The following KIFAP3 variants were observed in gnomAD, a reference collection of about 807,000 sequenced individuals.
KIFAP3 encodes kinesin-associated protein 3.
In KIFAP3, 68 loss-of-function variants were observed where a neutral mutation model predicts 106.5. The ratio of observed to expected loss-of-function variants is 0.64; its 90% CI spans 0.53 to 0.78. The LOEUF (loss-of-function observed/expected upper bound fraction) is 0.78. Ranked by LOEUF, KIFAP3 falls within the 30% of genes least tolerant of loss-of-function variation. The pLI is 0.00. For missense variants in KIFAP3, 780 were observed against 941.8 expected (o/e 0.83, Z 2.25); for synonymous variants, 320 against 311.5 (o/e 1.03, Z -0.29).
chr1:170,017,255 CAAA>C lies in KIFAP3; in HGVS notation c.1021-634_1021-632del, dbSNP rs11417586. Among the ~76,000 whole-genome samples the C allele has an allele frequency of 6.1e-3, 425 of 70,158 alleles. 2 individuals are homozygous for C. Among genetic ancestry groups the C allele is most frequent in the Middle Eastern group, 0.039 (4 of 102 alleles). 46.0% of individuals were successfully genotyped at this position (70,158 alleles called of 152,430 possible). On this transcript the variant is annotated intron_variant, in intron 9 of 19. Coordinates refer to ENST00000361580, the MANE Select transcript of KIFAP3 (RefSeq NM_014970.4). Reference sequence around the variant, plus strand: ...CTGGTGGCAGAGAGAGAGACTGTCTCAAAAAAAAAAAAAAAAAAAAAAGAGTAG... The same window carrying C: ...CTGGTGGCAGAGAGAGAGACTGTCTCAAAAAAAAAAAAAAAAAAAGAGTAG...
chr1:170,051,896 A>G (rs1316608354), intron 2 of KIFAP3, among the ~76,000 whole-genome samples: 1 of 152,218 alleles, frequency 6.6e-6, no homozygotes, highest in Non-Finnish European at 1.5e-5. Context: ...AAAGGTGGAA[A>G]GATCTGAAAC....
chr1:169,945,158 G>T (rs1328765719), intron 19 of KIFAP3, among the ~76,000 whole-genome samples: 2 of 152,114 alleles, frequency 1.3e-5, no homozygotes, highest in Non-Finnish European at 2.9e-5. Context: ...GGGGGGGGCT[G>T]GTGTGTCAGT....
chr1:170,077,112 C>T (rs563050252), upstream of KIFAP3, among the ~76,000 whole-genome samples: 7 of 151,922 alleles, frequency 4.6e-5, no homozygotes, highest in Non-Finnish European at 8.8e-5. Flanking sequence ...GGATTGTAAA[C>T]GCACCAATCA....
chr1:169,981,717 G>A (rs112930810), intron 15 of KIFAP3, among the ~76,000 whole-genome samples: 2,669 of 152,216 alleles, frequency 0.018, 76 homozygotes, highest in African/African-American at 0.059. Flanking sequence ...GGTTGGTGAG[G>A]AGAGTACTTC....
intron 10 of KIFAP3, among the ~76,000 whole-genome samples, chr1:169,996,970 C>T (rs1340251794): frequency 1.3e-5 from 2 of 152,142 alleles, no homozygotes; most frequent in East Asian, 3.8e-4. Context: ...CCTACAGCAG[C>T]CTAAGTTCTG....
chr1:169,968,091 A>G (rs939401214), intron 17 of KIFAP3, among the ~76,000 whole-genome samples: 16 of 151,844 alleles, frequency 1.1e-4, no homozygotes, highest in Non-Finnish European at 2.4e-4. Context: ...ACTTGAGTCT[A>G]TTGTGTATTT....
At chr1:169,939,547 T>C (rs889294570) in intron 19 of KIFAP3, among the ~76,000 whole-genome samples, 8 of 152,174 alleles carry the variant, frequency 5.3e-5, no homozygotes, top group Admixed American at 5.2e-4. Flanking sequence ...GGTTTACAAA[T>C]GGTACTTAAA....
In KIFAP3 at chr1:170,005,015, AAAAC is replaced by A. The variant is rs1428795212; in HGVS notation, c.1183+11443_1183+11446del. Among the ~76,000 whole-genome samples the A allele has an allele frequency of 5.3e-5, 8 of 152,270 alleles. No homozygotes were observed. In the East Asian group the frequency reaches 1.4e-3, roughly 26 times the overall value. Reference sequence around the variant, plus strand: ...TGAACCCAAACAAATTTACAAGAAAAAAACAAACAACCCCATCAAAAAGTGGGCA... The same window carrying A: ...TGAACCCAAACAAATTTACAAGAAAAAAACAACCCCATCAAAAAGTGGGCA... On this transcript the variant is annotated intron_variant, in intron 10 of 19. Coordinates refer to ENST00000361580, the MANE Select transcript of KIFAP3 (RefSeq NM_014970.4).
At chr1:170,019,320 A>G (rs924476150) in intron 9 of KIFAP3, among the ~76,000 whole-genome samples, 5 of 152,168 alleles carry the variant, frequency 3.3e-5, no homozygotes, top group Non-Finnish European at 5.9e-5. Flanking sequence ...GATGCTTCCC[A>G]GTTCATTATA....
intron 15 of KIFAP3, among the ~76,000 whole-genome samples, chr1:169,980,622 C>G (rs781531271): frequency 6.6e-6 from 1 of 152,136 alleles, no homozygotes; most frequent in Non-Finnish European, 1.5e-5. Context: ...ATGTGTTGGA[C>G]ACCACATATA....
chr1:169,979,678 G>T (rs1160178971), intron 15 of KIFAP3, among the ~76,000 whole-genome samples: 1 of 152,082 alleles, frequency 6.6e-6, no homozygotes, highest in East Asian at 1.9e-4. Context: ...TACACTACTG[G>T]TAAGAATGAA....
At chr1:169,978,926 TA>T (rs569626766) in intron 15 of KIFAP3, among the ~76,000 whole-genome samples, 53 of 152,216 alleles carry the variant, frequency 3.5e-4, no homozygotes, top group African/African-American at 1.2e-3. Context: ...GCCAAAGTAC[TA>T]CTCTCCCAAA....
intron 8 of KIFAP3, among the ~76,000 whole-genome samples, chr1:170,031,180 T>C (rs893016129): frequency 6.6e-6 from 1 of 151,792 alleles, no homozygotes; most frequent in East Asian, 1.9e-4. Context: ...TTTGAAAATC[T>C]GACATTTTCT....
rs898080743 is a variant in KIFAP3 at position 169,960,992 on chromosome 1, A to G, written c.2173+54T>C. 12 of 1,435,186 alleles carry G rather than the reference A, an allele frequency of 8.4e-6. No individual in the cohort carries two copies. In the African/African-American group the frequency reaches 1.4e-4, roughly 17 times the overall value. The allele number at this position is 1,435,186 out of a possible 1,614,324, so 88.9% of individuals were successfully genotyped here. ...TGGGAATGTGCAAGGCTGGCCGACT[A>G]AAATCTCTATTCATAGCATATAATA... On this transcript the variant is annotated intron_variant, in intron 18 of 19. Transcript: ENST00000361580.
At chr1:169,988,230 T>C (rs551535464) in intron 11 of KIFAP3, among the ~76,000 whole-genome samples, 101 of 152,184 alleles carry the variant, frequency 6.6e-4, no homozygotes, top group African/African-American at 2.3e-3. Flanking sequence ...AAAACACATA[T>C]GTGATAGGCA....
At chr1:169,970,258 G>A (rs568879346) in intron 17 of KIFAP3, among the ~76,000 whole-genome samples, 38 of 152,044 alleles carry the variant, frequency 2.5e-4, no homozygotes, top group Admixed American at 1.1e-3. Flanking sequence ...TACAAGTAAC[G>A]TAGTCACACA....
chr1:169,934,753 A>G (rs1198871924), intron 19 of KIFAP3, among the ~76,000 whole-genome samples: 2 of 152,148 alleles, frequency 1.3e-5, no homozygotes, highest in East Asian at 3.8e-4. Context: ...TTTAGACAGT[A>G]TTCTGAATGA....
chr1:169,936,614 CTACT>C (rs1247012212), intron 19 of KIFAP3, among the ~76,000 whole-genome samples: 1 of 151,572 alleles, frequency 6.6e-6, no homozygotes, highest in Non-Finnish European at 1.5e-5. Context: ...AAATCTGAAC[CTACT>C]TACTTTTTTT....
chr1:170,068,322 A>C (rs1050432213), intron 1 of KIFAP3: 8 of 152,144 alleles, frequency 5.3e-5, no homozygotes, highest in Admixed American at 4.6e-4. Flanking sequence ...GCAAATAACT[A>C]AGAAAAAGGA....
Sources: gnomAD v4.1 joint callset for allele counts (sites outside exome capture counted in the v4.1 genomes callset) on GRCh38, gnomAD v4.1.1 for gene constraint, MANE v1.5 for transcripts, NCBI Gene and HGNC (gene_info 2026-07-23, HGNC 2026-07-21) for gene names.